The following DUSP14 variants were observed in gnomAD, a reference collection of about 807,000 sequenced individuals.
DUSP14 encodes the protein dual specificity phosphatase 14, also known as dual specificity protein phosphatase 14.
Under a neutral mutation model 13.2 loss-of-function variants are expected in DUSP14, and 5 were observed. The ratio of observed to expected loss-of-function variants is 0.38; its 90% CI spans 0.20 to 0.80. DUSP14 has a LOEUF of 0.80. Ranked by LOEUF, DUSP14 falls within the 30% of genes least tolerant of loss-of-function variation. The pLI is 0.44. For missense variants in DUSP14, 185 were observed against 264.0 expected (o/e 0.70, Z 2.07); for synonymous variants, 91 against 103.4 (o/e 0.88, Z 0.73).
intron 1 of DUSP14, among the ~76,000 whole-genome samples, chr17:37,496,915 CAA>C (rs71135730): frequency 2.0e-3 from 199 of 98,622 alleles, no homozygotes; most frequent in African/African-American, 5.5e-3. Context: ...GACTCTGTCT[CAA>C]AAAAAAAAAA....
At chr17:37,501,580 A>G (rs1024732872) in intron 1 of DUSP14, among the ~76,000 whole-genome samples, 4 of 151,988 alleles carry the variant, frequency 2.6e-5, no homozygotes, top group Non-Finnish European at 5.9e-5. Context: ...CAATGGAGCA[A>G]TCTCGGCTCA....
intron 1 of DUSP14, among the ~76,000 whole-genome samples, chr17:37,505,611 A>T (rs1338835579): frequency 6.6e-6 from 1 of 150,836 alleles, no homozygotes; most frequent in Non-Finnish European, 1.5e-5. Context: ...ATTTCAGTTA[A>T]CTGCTGATTC....
In DUSP14 at chr17:37,493,009, ATGTGTATGTATGTGTG is replaced by A. The variant is rs1238671315; in HGVS notation, c.-181+3065_-181+3080del. Among the ~76,000 whole-genome samples the A allele has an allele frequency of 2.5e-4, 38 of 151,920 alleles. 1 individual carries two copies. The South Asian group carries it at 7.7e-3, about 31-fold the overall frequency. ...GCCGGCATCGTGTGTGTGTGTGTGT[ATGTGTATGTATGTGTG>A]TGTGTATGTATGTATATACACACGC... On this transcript the variant is annotated intron_variant, in intron 1 of 2. Transcript: ENST00000617516.
chr17:37,490,406 T>C (rs1437374459), intron 1 of DUSP14, among the ~76,000 whole-genome samples: 1 of 152,196 alleles, frequency 6.6e-6, no homozygotes, highest in Non-Finnish European at 1.5e-5. Context: ...TAGAAGCAAC[T>C]TGACTTTCAG....
At chr17:37,505,463 C>T (rs1466294013) in intron 1 of DUSP14, among the ~76,000 whole-genome samples, 4 of 151,980 alleles carry the variant, frequency 2.6e-5, no homozygotes, top group Non-Finnish European at 5.9e-5. Context: ...GTGTAGGCCT[C>T]TCCAGTATAT....
chr17:37,511,282 G>T (rs2054183011), intron 2 of DUSP14, among the ~76,000 whole-genome samples: 1 of 152,010 alleles, frequency 6.6e-6, no homozygotes, highest in South Asian at 2.1e-4. Flanking sequence ...ATAGTTTTTG[G>T]TTTGGGTTTT....
intron 1 of DUSP14, among the ~76,000 whole-genome samples, chr17:37,500,638 T>G (rs2054098522): frequency 6.6e-6 from 1 of 152,240 alleles, no homozygotes; most frequent in African/African-American, 2.4e-5. Context: ...TAACAGTTTA[T>G]CATTTAACCA....
intron 1 of DUSP14, among the ~76,000 whole-genome samples, chr17:37,493,791 G>T (rs2054045035): frequency 6.6e-6 from 1 of 151,044 alleles, no homozygotes; most frequent in African/African-American, 2.4e-5. Flanking sequence ...AATGAATCCT[G>T]CCTCTGGTGA....
intron 1 of DUSP14, among the ~76,000 whole-genome samples, chr17:37,505,582 A>T (rs898425281): frequency 2.0e-5 from 3 of 152,076 alleles, no homozygotes; most frequent in African/African-American, 7.2e-5. Flanking sequence ...TGAACATGAA[A>T]AGAAAAGCCG....
At chr17:37,505,646 T>G (rs2054132991) in intron 1 of DUSP14, among the ~76,000 whole-genome samples, 1 of 151,354 alleles carries the variant, frequency 6.6e-6, no homozygotes, top group South Asian at 2.1e-4. Context: ...TTTTTTTTTT[T>G]TTTTTTTTTT....
chr17:37,507,690 C>T (rs925720163), intron 1 of DUSP14, among the ~76,000 whole-genome samples: 12 of 152,130 alleles, frequency 7.9e-5, no homozygotes, highest in African/African-American at 2.7e-4. Flanking sequence ...CTGCCCGCCT[C>T]GGCCTCCCAA....
chr17:37,504,159 A>G (rs2054122716), intron 1 of DUSP14, among the ~76,000 whole-genome samples: 1 of 152,172 alleles, frequency 6.6e-6, no homozygotes, highest in Non-Finnish European at 1.5e-5. Context: ...TCATCACTGC[A>G]CTCCAGCCTG....
chr17:37,501,205 G>A (rs757334072), intron 1 of DUSP14, among the ~76,000 whole-genome samples: 9 of 152,208 alleles, frequency 5.9e-5, no homozygotes, highest in Non-Finnish European at 1.3e-4. Context: ...ACAGATGCCC[G>A]AACGTGCTGC....
intron 1 of DUSP14, among the ~76,000 whole-genome samples, chr17:37,502,743 T>C (rs1047918775): frequency 1.3e-5 from 2 of 152,156 alleles, no homozygotes; most frequent in Non-Finnish European, 2.9e-5. Context: ...GTGGTAGCTC[T>C]GTTGAGCTAG....
chr17:37,507,393 G>A (rs913035691), intron 1 of DUSP14, among the ~76,000 whole-genome samples: 3 of 152,200 alleles, frequency 2.0e-5, no homozygotes, highest in Non-Finnish European at 4.4e-5. Flanking sequence ...GCGAGTTAAC[G>A]GAATCAGCCC....
intron 2 of DUSP14, among the ~76,000 whole-genome samples, chr17:37,511,585 C>CTTTTTTTTT (rs533256343): frequency 0.32 from 27,364 of 86,342 alleles, 6,545 homozygotes; most frequent in East Asian, 0.48. Flanking sequence ...CTGGCCTTTC[C>CTTTTTTTTT]TTTTTTTTTT....
chr17:37,493,596 C>T (rs1232952163), intron 1 of DUSP14, among the ~76,000 whole-genome samples: 1 of 151,858 alleles, frequency 6.6e-6, no homozygotes, highest in Non-Finnish European at 1.5e-5. Context: ...ATGGTTTGGA[C>T]TAACCACCCA....
At chr17:37,491,481 G>T (rs1319073028) in intron 1 of DUSP14, 1 of 152,212 alleles carries the variant, frequency 6.6e-6, no homozygotes, top group Non-Finnish European at 1.5e-5. Flanking sequence ...TCTGACGCTT[G>T]GGGGAGGAGA....
chr17:37,503,421 GTGT>G (rs1568202403), intron 1 of DUSP14, among the ~76,000 whole-genome samples: 1 of 152,078 alleles, frequency 6.6e-6, no homozygotes, highest in Admixed American at 6.5e-5. Flanking sequence ...GGGAGACCCT[GTGT>G]CAAAAACAAA....
Sources: gnomAD v4.1 joint callset for allele counts (sites outside exome capture counted in the v4.1 genomes callset) on GRCh38, gnomAD v4.1.1 for gene constraint, MANE v1.5 for transcripts, NCBI Gene and HGNC (gene_info 2026-07-23, HGNC 2026-07-21) for gene names.